The following CACNA1E variants were observed in gnomAD, a reference collection of about 807,000 sequenced individuals.
CACNA1E encodes voltage-dependent R-type calcium channel subunit alpha-1E.
In CACNA1E, 40 loss-of-function variants were observed where a neutral mutation model predicts 259.2. The observed-to-expected ratio is 0.15, with a 90% confidence interval of 0.12 to 0.20. The LOEUF is 0.20. Ranked by LOEUF, CACNA1E falls within the 10% of genes least tolerant of loss-of-function variation. The probability of loss-of-function intolerance (pLI) is 1.00; values close to 1 mark genes in which losing one functional copy is unlikely to be tolerated. For synonymous variants in CACNA1E, 1,104 were observed against 1,138.5 expected, an observed-to-expected ratio of 0.97 and a Z score of 0.61; for missense variants, 1,874 against 3,040.1, an observed-to-expected ratio of 0.62 and a Z score of 9.02.
Position 181,438,875 on chromosome 1 carries a change from A to T in CACNA1E, c.434+25295A>T, listed in dbSNP as rs1660260222. 2.0e-5 allele frequency among the ~76,000 whole-genome samples: 3 copies of T among 151,558 alleles called. No homozygotes were observed. The South Asian group carries it at 6.2e-4, about 31-fold the overall frequency. ...ATGTGTACAAAGATTTCATTGTAGT[A>T]TTTTACTTGTGATAGCAGGGACTTA... On this transcript the variant is annotated intron_variant, in intron 2 of 11. Transcript: ENST00000524607.
At chr1:181,509,026 G>A (rs984500869) in intron 1 of CACNA1E, among the ~76,000 whole-genome samples, 1 of 152,096 alleles carries the variant, frequency 6.6e-6, no homozygotes, top group Non-Finnish European at 1.5e-5. Flanking sequence ...GGGAAGGAAC[G>A]ATGGTGGTCA....
At chr1:181,355,730 A>G (rs1300594046) in intron 1 of CACNA1E, among the ~76,000 whole-genome samples, 1 of 152,238 alleles carries the variant, frequency 6.6e-6, no homozygotes, top group Non-Finnish European at 1.5e-5. Context: ...CCCCTTTAAA[A>G]GAGAGCTTTG....
At chr1:181,516,700 GTGT>G (rs746908207) in intron 3 of CACNA1E, among the ~76,000 whole-genome samples, 6 of 152,174 alleles carry the variant, frequency 3.9e-5, no homozygotes, top group Non-Finnish European at 8.8e-5. Context: ...GGAGAAAAGT[GTGT>G]TATCCCTTTC....
chr1:181,582,828 C>T (rs1449953231), intron 6 of CACNA1E, among the ~76,000 whole-genome samples: 2 of 152,106 alleles, frequency 1.3e-5, no homozygotes, highest in Non-Finnish European at 2.9e-5. Flanking sequence ...AGAAGTTACA[C>T]ACAGGCAGAG....
At chr1:181,655,257 C>G (rs931161311) in intron 7 of CACNA1E, among the ~76,000 whole-genome samples, 5 of 151,948 alleles carry the variant, frequency 3.3e-5, no homozygotes, top group African/African-American at 4.8e-5. Flanking sequence ...TAATGAAATA[C>G]ACACTGAAAA....
chr1:181,681,087 G>A (rs749538517), intron 7 of CACNA1E, among the ~76,000 whole-genome samples: 2 of 152,220 alleles, frequency 1.3e-5, no homozygotes, highest in African/African-American at 2.4e-5. Context: ...AATGAGTCAC[G>A]TGGCCGTGCC....
chr1:181,507,646 C>T (rs10910944), intron 1 of CACNA1E, among the ~76,000 whole-genome samples: 4,130 of 152,210 alleles, frequency 0.027, 171 homozygotes, highest in African/African-American at 0.091. Flanking sequence ...CCTGCAGGCT[C>T]AGCACTGAGA....
At chr1:181,509,064 A>G (rs1001320349) in intron 1 of CACNA1E, among the ~76,000 whole-genome samples, 1 of 152,056 alleles carries the variant, frequency 6.6e-6, no homozygotes, top group Non-Finnish European at 1.5e-5. Context: ...GTGACTCTCC[A>G]GTGTGACTCA....
chr1:181,533,615 G>A (rs1667943832), intron 3 of CACNA1E, among the ~76,000 whole-genome samples: 2 of 86,954 alleles, frequency 2.3e-5, no homozygotes, highest in Admixed American at 1.2e-4. Flanking sequence ...GAACTAACTT[G>A]TCAAAATCTT....
chr1:181,777,888 A>G (rs1165646141), intron 38 of CACNA1E, among the ~76,000 whole-genome samples: 5 of 152,226 alleles, frequency 3.3e-5, no homozygotes, highest in African/African-American at 7.2e-5. Context: ...ACTGTGAGCA[A>G]AAAAGTCCAT....
intron 1 of CACNA1E, among the ~76,000 whole-genome samples, chr1:181,495,459 A>G (rs1664667503): frequency 6.6e-6 from 1 of 152,232 alleles, no homozygotes; most frequent in African/African-American, 2.4e-5. Context: ...AGATGAGATA[A>G]TACATGCAAA....
At chr1:181,606,170 G>T (rs1389317403) in intron 6 of CACNA1E, among the ~76,000 whole-genome samples, 1 of 151,944 alleles carries the variant, frequency 6.6e-6, no homozygotes, top group Non-Finnish European at 1.5e-5. Context: ...TCTATTTCCA[G>T]CCCAGAACTC....
intron 21 of CACNA1E, among the ~76,000 whole-genome samples, chr1:181,734,601 G>T (rs1443228199): frequency 7.3e-6 from 1 of 137,282 alleles, no homozygotes; most frequent in East Asian, 2.2e-4. Flanking sequence ...CCCTATCCTT[G>T]CCCTGACCCC....
chr1:181,533,138 C>T (rs960829636), intron 3 of CACNA1E, among the ~76,000 whole-genome samples: 19 of 151,532 alleles, frequency 1.3e-4, no homozygotes, highest in African/African-American at 4.4e-4. Context: ...AATAGGGAAT[C>T]GAGACAGAGA....
intron 1 of CACNA1E, among the ~76,000 whole-genome samples, chr1:181,393,561 G>T (rs576082767): frequency 6.6e-6 from 1 of 152,092 alleles, no homozygotes; most frequent in East Asian, 1.9e-4. Flanking sequence ...AGGCTCAAGC[G>T]ATCCTCCCAC....
intron 6 of CACNA1E, among the ~76,000 whole-genome samples, chr1:181,592,262 C>A (rs55921583): frequency 0.13 from 19,617 of 152,120 alleles, 1,941 homozygotes; most frequent in African/African-American, 0.26. Flanking sequence ...GGCATCAACC[C>A]CAGTCCCCTA....
rs1299620331 is a variant in CACNA1E, at chr1:181,500,598, C to G, written c.267-9879C>G. 3.3e-5 allele frequency among the ~76,000 whole-genome samples: 5 copies of G among 152,222 alleles called. No homozygotes were observed. The East Asian group carries it at 7.7e-4, about 23-fold the overall frequency. The stretch of plus-strand genomic sequence containing the variant: ...CCAGATCTGTCTTCGGATGGGTACT[C>G]TGCACATTGGGTCTTAGTCTTTGCC... On this transcript the variant is annotated intron_variant, in intron 1 of 47. Coordinates refer to ENST00000367573, the MANE Select transcript of CACNA1E (RefSeq NM_001205293.3).
intron 6 of CACNA1E, among the ~76,000 whole-genome samples, chr1:181,605,321 G>T (rs1654130788): frequency 6.6e-6 from 1 of 151,748 alleles, no homozygotes; most frequent in Non-Finnish European, 1.5e-5. Flanking sequence ...GGGGAGGGTG[G>T]GGTGGGGGAG....
intron 2 of CACNA1E, among the ~76,000 whole-genome samples, chr1:181,459,040 C>T (rs925416849): frequency 6.6e-6 from 1 of 152,168 alleles, no homozygotes; most frequent in Non-Finnish European, 1.5e-5. Context: ...CAAGAAAATA[C>T]AGGATAGTAA....
Sources: gnomAD v4.1 joint callset for allele counts (sites outside exome capture counted in the v4.1 genomes callset) on GRCh38, gnomAD v4.1.1 for gene constraint, MANE v1.5 for transcripts, NCBI Gene and HGNC (gene_info 2026-07-23, HGNC 2026-07-21) for gene names.